NLGN1: variants seen among roughly 807,000 people sequenced by gnomAD.
NLGN1 encodes the protein neuroligin-1.
NLGN1 carries 12 observed loss-of-function variants against 65.5 expected under a neutral mutation model. The ratio of observed to expected loss-of-function variants is 0.18; its 90% CI spans 0.12 to 0.30. The LOEUF (loss-of-function observed/expected upper bound fraction) is 0.30, where lower values mean the gene tolerates loss of function less well. Ranked by LOEUF, NLGN1 falls within the 10% of genes least tolerant of loss-of-function variation. The pLI is 1.00. For synonymous variants in NLGN1, 350 were observed against 359.5 expected (o/e 0.97, Z 0.30); for missense variants, 750 against 1,007.1 (o/e 0.74, Z 3.46).
chr3:174,215,977 A>G (rs1301747359), intron 4 of NLGN1, among the ~76,000 whole-genome samples: 1 of 152,064 alleles, frequency 6.6e-6, no homozygotes, highest in East Asian at 1.9e-4. Flanking sequence ...CAACAGTCAA[A>G]TCTTCTTAAC....
At chr3:173,487,335 T>G (rs1398584044) in intron 2 of NLGN1, among the ~76,000 whole-genome samples, 5 of 152,026 alleles carry the variant, frequency 3.3e-5, no homozygotes, top group Non-Finnish European at 5.9e-5. Flanking sequence ...TTTCTACTTT[T>G]GTTGCAGTGT....
At chr3:173,601,868 T>A (rs760495689) in intron 2 of NLGN1, among the ~76,000 whole-genome samples, 6 of 152,024 alleles carry the variant, frequency 3.9e-5, no homozygotes, top group Non-Finnish European at 7.4e-5. Flanking sequence ...TTTTTTAATT[T>A]CTCTGTCCTA....
At chr3:173,700,314 A>G (rs1165082647) in intron 3 of NLGN1, among the ~76,000 whole-genome samples, 1 of 152,222 alleles carries the variant, frequency 6.6e-6, no homozygotes, top group African/African-American at 2.4e-5. Flanking sequence ...AAAGAGCCAG[A>G]TTAGTTCATT....
chr3:173,559,765 A>C (rs550366424), intron 2 of NLGN1, among the ~76,000 whole-genome samples: 2 of 152,316 alleles, frequency 1.3e-5, no homozygotes, highest in South Asian at 4.1e-4. Flanking sequence ...ATTTTCTATG[A>C]ATGCTAGAAG....
intron 3 of NLGN1, among the ~76,000 whole-genome samples, chr3:173,728,184 G>T (rs893933978): frequency 1.3e-5 from 2 of 152,094 alleles, no homozygotes; most frequent in African/African-American, 4.8e-5. Context: ...GAGAAGAATG[G>T]ATGTGAGAGA....
chr3:173,421,774 G>A lies in NLGN1; in HGVS notation c.-389-13236G>A, dbSNP rs1187839865. ...GGGCTCAAGTGATCCTCCCGCCTCA[G>A]CCTCCTAAAGTGCTAGGATTATAGA... On this transcript the variant is annotated intron_variant, in intron 1 of 6. Coordinates refer to ENST00000457714, the Ensembl canonical transcript of NLGN1. Among the ~76,000 whole-genome samples the A allele has an allele frequency of 3.3e-5, 5 of 152,186 alleles. No individual in the cohort carries two copies. In the East Asian group the frequency reaches 7.7e-4, roughly 24 times the overall value.
intron 3 of NLGN1, among the ~76,000 whole-genome samples, chr3:173,796,354 T>A (rs375507572): frequency 3.3e-5 from 5 of 152,130 alleles, no homozygotes; most frequent in African/African-American, 1.2e-4. Context: ...CTGGTCGGAT[T>A]CTGAAATGTA....
intron 4 of NLGN1, among the ~76,000 whole-genome samples, chr3:173,919,189 C>T (rs570490241): frequency 2.0e-4 from 31 of 152,052 alleles, no homozygotes; most frequent in African/African-American, 6.7e-4. Context: ...GTATTTGTAA[C>T]GTAACATATT....
chr3:173,806,030 A>C (rs1160490508), intron 3 of NLGN1, among the ~76,000 whole-genome samples: 1 of 152,170 alleles, frequency 6.6e-6, no homozygotes, highest in Admixed American at 6.5e-5. Context: ...ATGTCAAAGT[A>C]TCCTTCCCTC....
intron 2 of NLGN1, among the ~76,000 whole-genome samples, chr3:173,471,046 A>G (rs536294462): frequency 3.4e-4 from 52 of 152,044 alleles, no homozygotes; most frequent in Non-Finnish European, 6.2e-4. Context: ...TTTCTAGGAA[A>G]TGGATCAAAT....
chr3:174,086,386 T>TA (rs1468666142), intron 4 of NLGN1, among the ~76,000 whole-genome samples: 1 of 149,856 alleles, frequency 6.7e-6, no homozygotes, highest in Non-Finnish European at 1.5e-5. Context: ...AACAAATACT[T>TA]TTTAATTTTT....
intron 4 of NLGN1, among the ~76,000 whole-genome samples, chr3:173,936,983 G>A (rs531851523): frequency 6.6e-6 from 1 of 152,092 alleles, no homozygotes; most frequent in African/African-American, 2.4e-5. Flanking sequence ...AAACTCATTT[G>A]AACACAGGGA....
intron 4 of NLGN1, among the ~76,000 whole-genome samples, chr3:173,859,817 A>G (rs936647824): frequency 2.0e-5 from 3 of 152,034 alleles, no homozygotes; most frequent in African/African-American, 7.2e-5. Flanking sequence ...GTTCAAGGGT[A>G]CACGACTAAA....
At chr3:174,027,266 A>G (rs1250033637) in intron 4 of NLGN1, among the ~76,000 whole-genome samples, 1 of 152,070 alleles carries the variant, frequency 6.6e-6, no homozygotes, top group Non-Finnish European at 1.5e-5. Context: ...TCCAAAATTC[A>G]TCATCTTGGA....
At chr3:173,684,968 G>A (rs1246931241) in intron 3 of NLGN1, among the ~76,000 whole-genome samples, 1 of 152,052 alleles carries the variant, frequency 6.6e-6, no homozygotes, top group Non-Finnish European at 1.5e-5. Context: ...TTTGCATGTA[G>A]ATAATATATT....
intron 3 of NLGN1, among the ~76,000 whole-genome samples, chr3:173,700,856 T>G (rs371948593): frequency 8.5e-5 from 13 of 152,318 alleles, no homozygotes; most frequent in African/African-American, 3.1e-4. Flanking sequence ...CCGGGCACGG[T>G]GGCTCAAGCC....
chr3:173,730,320 G>GCCCCCCCCCCCC (rs1440876299), intron 3 of NLGN1, among the ~76,000 whole-genome samples: 6 of 27,688 alleles, frequency 2.2e-4, no homozygotes, highest in Admixed American at 4.8e-4. Flanking sequence ...CTGCCCCACC[G>GCCCCCCCCCCCC]CTCCCCCCCC....
At chr3:173,441,185 A>C (rs1266463670) in intron 2 of NLGN1, among the ~76,000 whole-genome samples, 1 of 152,178 alleles carries the variant, frequency 6.6e-6, no homozygotes, top group African/African-American at 2.4e-5. Flanking sequence ...GCTTTAGCTT[A>C]GTGGAATTTT....
intron 3 of NLGN1, among the ~76,000 whole-genome samples, chr3:173,773,824 T>C (rs1181854112): frequency 6.6e-6 from 1 of 152,066 alleles, no homozygotes; most frequent in Admixed American, 6.6e-5. Flanking sequence ...AAACAAAACA[T>C]GGTAATGTGA....
Sources: allele counts gnomAD v4.1 joint callset (sites outside exome capture counted in the v4.1 genomes callset), GRCh38; gene constraint gnomAD v4.1.1; transcripts MANE v1.5; gene names NCBI Gene and HGNC (gene_info 2026-07-23, HGNC 2026-07-21).